The following CWF19L2 variants were observed in gnomAD, a reference collection of about 807,000 sequenced individuals.
CWF19L2 encodes CWF19-like protein 2.
CWF19L2 carries 98 observed loss-of-function variants against 111.7 expected under a neutral mutation model. The ratio of observed to expected loss-of-function variants is 0.88; its 90% CI spans 0.75 to 1.04. CWF19L2 has a LOEUF of 1.04. CWF19L2 is among the 50% of genes least tolerant of loss of function. The probability of loss-of-function intolerance (pLI) is 0.00; values close to 1 mark genes in which losing one functional copy is unlikely to be tolerated. For synonymous variants in CWF19L2, 351 were observed against 342.9 expected (o/e 1.02, Z -0.26); for missense variants, 1,101 against 1,051.4 (o/e 1.05, Z -0.65).
intron 10 of CWF19L2, among the ~76,000 whole-genome samples, chr11:107,406,104 T>C (rs1861073702): frequency 6.6e-6 from 1 of 152,204 alleles, no homozygotes; most frequent in South Asian, 2.1e-4. Context: ...TTGTATGTAA[T>C]ACGCTGATTA....
chr11:107,349,119 A>T, intron 13 of CWF19L2, 66 bp from the exon 14 acceptor site: 1 of 734,122 alleles, frequency 1.4e-6, no homozygotes, highest in South Asian at 2.4e-5. Context: ...TTATATGTTA[A>T]TGCTATTTAT....
chr11:107,445,062 A>G (rs1861682003), intron 3 of CWF19L2, among the ~76,000 whole-genome samples: 1 of 152,214 alleles, frequency 6.6e-6, no homozygotes, highest in Non-Finnish European at 1.5e-5. Context: ...CATGAGAAAT[A>G]GAAATCAGCA....
chr11:107,417,192 T>C (rs560853216), intron 9 of CWF19L2, among the ~76,000 whole-genome samples: 1 of 152,348 alleles, frequency 6.6e-6, no homozygotes, highest in South Asian at 2.1e-4. Flanking sequence ...GATGAGTGCA[T>C]ACATATGACC....
intron 3 of CWF19L2, among the ~76,000 whole-genome samples, chr11:107,449,002 T>C (rs139685840): frequency 1.8e-3 from 269 of 148,516 alleles, no homozygotes; most frequent in African/African-American, 6.2e-3. Flanking sequence ...TGAAAAATAA[T>C]GATGAAAAAA....
intron 6 of CWF19L2, among the ~76,000 whole-genome samples, chr11:107,435,123 T>G (rs1200769167): frequency 1.3e-5 from 2 of 152,158 alleles, no homozygotes; most frequent in Non-Finnish European, 2.9e-5. Context: ...CCCATTCAGA[T>G]CTCAAAAGTT....
At position 107,433,733 on chromosome 11, in the gene CWF19L2, A is replaced by G; in HGVS notation, c.681T>C (p.Asp227=). 1.9e-6 allele frequency: 3 copies of G among 1,567,046 alleles called. No homozygotes were observed. Among genetic ancestry groups the G allele is most frequent in the South Asian group, 1.2e-5 (1 of 85,234 alleles). Residue 227 remains aspartate (D), a synonymous_variant, in exon 7 of 18, where the codon GAT becomes GAC. Transcript: ENST00000282251. The part of the protein sequence containing the change: ...SSITKVSVVE[D]GGLSWLRKSY... Reference sequence around the variant, plus strand: ...ATTTCCTTAGCCAGCTTAATCCACCATCTTCTACCACTGAAACTAAATTCC... The same window carrying G: ...ATTTCCTTAGCCAGCTTAATCCACCGTCTTCTACCACTGAAACTAAATTCC...
rs758533703 is a variant in CWF19L2, at chr11:107,390,160, T to C, written c.1786A>G (p.Asn596Asp). 1.9e-6 allele frequency: 3 copies of C among 1,611,750 alleles called. No individual in the cohort carries two copies. The South Asian group carries it at 3.3e-5, about 18-fold the overall frequency. ...ERVRYFHDDD[N>D]LSLNDLVKNE... Reference sequence around the variant, plus strand: ...TTGACTAAATCATTTAGGCTTAGATTATCATCATCATGAAAGTATCTGACC... The same window carrying C: ...TTGACTAAATCATTTAGGCTTAGATCATCATCATCATGAAAGTATCTGACC... Residue 596 changes from asparagine to aspartate, a missense_variant, in exon 12 of 18, where the codon AAT becomes GAT. Transcript: ENST00000282251.
intron 10 of CWF19L2, chr11:107,403,928 T>C: frequency 2.3e-6 from 2 of 866,044 alleles, no homozygotes; most frequent in Admixed American, 1.7e-5. Flanking sequence ...CATTAAGGAC[T>C]GGACCTGTCG....
chr11:107,453,645 T>G (rs772501624), intron 3 of CWF19L2, among the ~76,000 whole-genome samples: 4 of 151,256 alleles, frequency 2.6e-5, no homozygotes, highest in Non-Finnish European at 4.4e-5. Flanking sequence ...TCCTTCTGCT[T>G]GAGAAAAGTA....
At chr11:107,398,851 T>A (rs888545306) in intron 10 of CWF19L2, among the ~76,000 whole-genome samples, 28 of 152,308 alleles carry the variant, frequency 1.8e-4, no homozygotes, top group African/African-American at 6.3e-4. Context: ...GGAAACCCTA[T>A]AAGCTAGAAG....
intron 14 of CWF19L2, among the ~76,000 whole-genome samples, chr11:107,346,528 C>G (rs1860083156): frequency 6.6e-6 from 1 of 152,136 alleles, no homozygotes; most frequent in Admixed American, 6.6e-5. Flanking sequence ...ACTGCAGAAC[C>G]TTCAAAAGGC....
chr11:107,403,446 C>T, intron 10 of CWF19L2: 1 of 792,104 alleles, frequency 1.3e-6, no homozygotes, highest in Non-Finnish European at 2.3e-6. Context: ...GGTGGCTCTT[C>T]CACTGTTGTG....
At chr11:107,391,892 G>T (rs1306634955) in intron 11 of CWF19L2, among the ~76,000 whole-genome samples, 1 of 152,134 alleles carries the variant, frequency 6.6e-6, no homozygotes, top group Non-Finnish European at 1.5e-5. Flanking sequence ...ACTCATGAAT[G>T]AAAGCGTCTA....
chr11:107,408,900 T>C (rs144898620), intron 10 of CWF19L2, among the ~76,000 whole-genome samples: 419 of 152,108 alleles, frequency 2.8e-3, no homozygotes, highest in African/African-American at 9.2e-3. Context: ...AGATTTAAAA[T>C]ATTTGACCTA....
chr11:107,412,990 G>A (rs1861178690), intron 10 of CWF19L2, among the ~76,000 whole-genome samples: 1 of 152,192 alleles, frequency 6.6e-6, no homozygotes, highest in Non-Finnish European at 1.5e-5. Flanking sequence ...GGGATAAACA[G>A]GTGGAACACA....
At chr11:107,412,729 T>C (rs1218238382) in intron 10 of CWF19L2, among the ~76,000 whole-genome samples, 1 of 152,196 alleles carries the variant, frequency 6.6e-6, no homozygotes. Flanking sequence ...AAAACTTGGA[T>C]GCACCAAGAT....
intron 3 of CWF19L2, among the ~76,000 whole-genome samples, chr11:107,449,232 T>C (rs1359305117): frequency 6.6e-6 from 1 of 151,356 alleles, no homozygotes; most frequent in Admixed American, 6.6e-5. Flanking sequence ...ACTTCTGAGT[T>C]TGTGGTAAAA....
intron 8 of CWF19L2, among the ~76,000 whole-genome samples, chr11:107,419,980 A>C (rs147955780): frequency 1.6e-4 from 24 of 152,240 alleles, no homozygotes; most frequent in Non-Finnish European, 3.4e-4. Flanking sequence ...ACTTGAAGAT[A>C]GACTATGATA....
At chr11:107,335,049 T>C (rs549947116) in intron 15 of CWF19L2, 88 bp from the exon 16 acceptor site, 12 of 782,414 alleles carry the variant, frequency 1.5e-5, no homozygotes, top group Non-Finnish European at 2.7e-5. Flanking sequence ...GCAAATTAAT[T>C]ATGGGGTATA....
Sources: allele counts gnomAD v4.1 joint callset (sites outside exome capture counted in the v4.1 genomes callset), GRCh38; gene constraint gnomAD v4.1.1; transcripts MANE v1.5; gene names NCBI Gene and HGNC (gene_info 2026-07-23, HGNC 2026-07-21).